CDH3: variants seen among roughly 807,000 people sequenced by gnomAD.
CDH3 encodes the protein cadherin 3, also known as cadherin-3.
In CDH3, 54 loss-of-function variants were observed where a neutral mutation model predicts 82.0. The observed-to-expected ratio is 0.66, with a 90% CI of 0.53 to 0.83. The LOEUF is 0.83. Among genes scored for constraint, CDH3 ranks in the 40% least tolerant of loss-of-function variants. The pLI is 0.00. For synonymous variants in CDH3, 446 were observed against 437.9 expected (o/e 1.02, Z -0.23); for missense variants, 1,054 against 1,084.6 (o/e 0.97, Z 0.40).
chr16:68,733,713 G>GC, the CDH3 span, among the ~76,000 whole-genome samples: 4 of 152,320 alleles, frequency 2.6e-5, no homozygotes, highest in South Asian at 8.3e-4. Context: ...TTGCACTCCA[G>GC]CCGGGGCAAC....
rs185584399 is a variant in CDH3 at position 68,698,060 on chromosome 16, G to A, written c.2281-131G>A. 195 of 820,998 alleles carry A rather than the reference G, an allele frequency of 2.4e-4. 1 individual carries two copies. In the East Asian group the frequency reaches 4.5e-3, roughly 19 times the overall value. 50.9% of individuals were successfully genotyped at this position (820,998 alleles called of 1,614,324 possible). ...AGTGAATGAATTCTGCATGAATAAC[G>A]CATTCTTTCATTTCTACCTCCAAAA... On this transcript the variant is annotated intron_variant, in intron 15 of 15. Transcript: ENST00000264012.
At chr16:68,732,812 C>T in the CDH3 span, among the ~76,000 whole-genome samples, 2 of 152,198 alleles carry the variant, frequency 1.3e-5, no homozygotes, top group Non-Finnish European at 2.9e-5. Context: ...ATTTACAACT[C>T]CTTTGAAAGA....
chr16:68,704,804 C>T (rs555852895), downstream of CDH3, among the ~76,000 whole-genome samples: 12 of 152,322 alleles, frequency 7.9e-5, no homozygotes, highest in Admixed American at 2.6e-4. Context: ...CCTGTAATCC[C>T]AGCACTTTGG....
At chr16:68,715,016 A>G (rs1388892718) in intron 1 of CDH3, among the ~76,000 whole-genome samples, 1 of 151,954 alleles carries the variant, frequency 6.6e-6, no homozygotes, top group Non-Finnish European at 1.5e-5. Context: ...CAAAAAATAA[A>G]AAGTATCAGG....
At position 68,682,298 on chromosome 16, in the gene CDH3, A is replaced by G; in HGVS notation, c.997-4A>G. The G allele has an allele frequency of 1.2e-6, 2 of 1,613,398 alleles. No individual in the cohort carries two copies. The highest frequency in any genetic ancestry group is 1.7e-6 in the Non-Finnish European group (2 of 1,179,782). On this transcript the variant is annotated splice_polypyrimidine_tract_variant and splice_region_variant and intron_variant, in intron 8 of 15. Transcript: ENST00000264012. The stretch of plus-strand genomic sequence containing the variant: ...TGATAGTGCTGTGCTTCTCACACTG[A>G]CAGTACGAGGCCCATGTGCCTGAGA...
downstream of CDH3, among the ~76,000 whole-genome samples, chr16:68,729,769 C>A (rs1423162903): frequency 1.3e-5 from 2 of 151,956 alleles, no homozygotes; most frequent in Non-Finnish European, 2.9e-5. Context: ...GTAGCTGGGA[C>A]CACAGGTGTG....
chr16:68,711,082 G>A (rs1021181390), intron 1 of CDH3, among the ~76,000 whole-genome samples: 2 of 151,408 alleles, frequency 1.3e-5, no homozygotes, highest in African/African-American at 4.8e-5. Context: ...AGGCCAAGGT[G>A]GACGGATCCA....
chr16:68,731,501 T>C (rs35255285), downstream of CDH3, among the ~76,000 whole-genome samples: 57,732 of 76,606 alleles, frequency 0.75, 21,568 homozygotes, highest in Non-Finnish European at 0.8. Context: ...CATATATATA[T>C]ACACACACAC....
intron 2 of CDH3, among the ~76,000 whole-genome samples, chr16:68,724,621 C>G (rs1962199664): frequency 1.2e-5 from 1 of 82,928 alleles, no homozygotes; most frequent in Non-Finnish European, 2.9e-5. Flanking sequence ...AGGCGAGACC[C>G]TATTATTTAA....
At chr16:68,713,923 TTA>T (rs1962063054) in intron 1 of CDH3, among the ~76,000 whole-genome samples, 2 of 58,962 alleles carry the variant, frequency 3.4e-5, no homozygotes, top group Non-Finnish European at 5.2e-5. Context: ...ATTCTATTTA[TTA>T]TTATTATTAT....
downstream of CDH3, among the ~76,000 whole-genome samples, chr16:68,729,513 G>A (rs1252332561): frequency 6.6e-6 from 1 of 152,120 alleles, no homozygotes; most frequent in African/African-American, 2.4e-5. Flanking sequence ...AACATATGTA[G>A]TCAATTATAC....
chr16:68,652,201 A>G (rs1048125558), intron 2 of CDH3, among the ~76,000 whole-genome samples: 2 of 152,146 alleles, frequency 1.3e-5, no homozygotes, highest in African/African-American at 4.8e-5. Context: ...CCGAGGAGTG[A>G]ATGGGAACTG....
chr16:68,663,800 ATATTTTATTTTTTATTT>A (rs564767382), intron 2 of CDH3, among the ~76,000 whole-genome samples: 1 of 151,660 alleles, frequency 6.6e-6, no homozygotes, highest in South Asian at 2.1e-4. Context: ...TTTTAATCAG[ATATTTTATTTTTTATTT>A]TATTTTATTT....
rs540621282 is a variant in CDH3 at position 68,649,149 on chromosome 16, C to T, written c.160+3399C>T. On this transcript the variant is annotated intron_variant, in intron 2 of 15. Coordinates refer to ENST00000264012, the MANE Select transcript of CDH3 (RefSeq NM_001793.6). The stretch of plus-strand genomic sequence containing the variant: ...AGTGAGTGACCTACAGTGGTCTACT[C>T]ATCCTTAAGGGTGAACAACTGAGAG... 7.9e-5 allele frequency among the ~76,000 whole-genome samples: 12 copies of T among 152,226 alleles called. No individual in the cohort carries two copies. In the South Asian group the frequency reaches 2.3e-3, roughly 29 times the overall value.
At chr16:68,648,194 G>A (rs1007007578) in intron 2 of CDH3, among the ~76,000 whole-genome samples, 2 of 152,140 alleles carry the variant, frequency 1.3e-5, no homozygotes, top group Non-Finnish European at 2.9e-5. Context: ...ACAGCTTAAC[G>A]GATTGGATTC....
chr16:68,728,401 G>A (rs374818334), downstream of CDH3, among the ~76,000 whole-genome samples: 3 of 152,108 alleles, frequency 2.0e-5, no homozygotes, highest in South Asian at 2.1e-4. Flanking sequence ...TCCTGACCTC[G>A]TCATCTGCCC....
At chr16:68,731,395 A>AAAT (rs1555509187), downstream of CDH3, among the ~76,000 whole-genome samples, 1 of 5,242 alleles carries the variant, frequency 1.9e-4, no homozygotes, top group African/African-American at 9.7e-4. Context: ...AAAAAAAAAA[A>AAAT]ATATATATAT....
intron 15 of CDH3, 22 bp from the exon 16 acceptor site, chr16:68,698,169 T>C: frequency 6.2e-7 from 1 of 1,613,432 alleles, no homozygotes; most frequent in South Asian, 1.1e-5. Flanking sequence ...CGCTCCTAAC[T>C]ACCTGTTCTC....
Position 68,719,502 on chromosome 16 carries a change from C to CTTTTT in CDH3, c.100-2904_100-2900dup, listed in dbSNP as rs71148939. 7.8e-4 allele frequency among the ~76,000 whole-genome samples: 58 copies of CTTTTT among 74,482 alleles called. 1 individual carries two copies. Among genetic ancestry groups the CTTTTT allele is most frequent in the Non-Finnish European group, 8.3e-4 (35 of 42,230 alleles). The allele number at this position is 74,482 out of a possible 152,430, so 48.9% of individuals were successfully genotyped here. A position where few individuals can be genotyped will look rare whatever the true frequency, so the allele number is the denominator to read the frequency against. ...GATTTTTTGGCATGATGGAACTGTT[C>CTTTTT]TTTTTTTTTTTTTTTTTTTTTTTGA... On this transcript the variant is annotated intron_variant, in intron 1 of 2. Coordinates refer to the CDH3 transcript ENST00000569080.
Sources: gnomAD v4.1 joint callset for allele counts (sites outside exome capture counted in the v4.1 genomes callset) on GRCh38, gnomAD v4.1.1 for gene constraint, MANE v1.5 for transcripts, NCBI Gene and HGNC (gene_info 2026-07-23, HGNC 2026-07-21) for gene names.